The following DCC variants were observed in gnomAD, a reference collection of about 807,000 sequenced individuals.
DCC encodes the protein DCC netrin 1 receptor, also known as netrin receptor DCC.
DCC carries 58 observed loss-of-function variants against 172.5 expected under a neutral mutation model. That is an observed-to-expected ratio of 0.34 (90% confidence interval 0.27 to 0.42). The LOEUF is 0.42. Among genes scored for constraint, DCC ranks in the 10% least tolerant of loss-of-function variants. The probability of loss-of-function intolerance (pLI) is 1.00; values close to 1 mark genes in which losing one functional copy is unlikely to be tolerated. For missense variants in DCC, 1,740 were observed against 1,791.0 expected (o/e 0.97, Z 0.51); for synonymous variants, 709 against 644.5 (o/e 1.10, Z -1.52).
intron 1 of DCC, among the ~76,000 whole-genome samples, chr18:52,669,584 A>G (rs1329403508): frequency 6.6e-6 from 1 of 152,208 alleles, no homozygotes; most frequent in Non-Finnish European, 1.5e-5. Flanking sequence ...GGCGGTTTCA[A>G]TGGTCCATGT....
Position 53,066,138 on chromosome 18 carries a change from C to T in DCC, c.1233C>T (p.Thr411=), listed in dbSNP as rs761849396. The change falls in exon 7 of 29, where the codon ACC becomes ACT. Residue 411 remains threonine (T), a synonymous_variant. Coordinates refer to ENST00000442544, the MANE Select transcript of DCC (RefSeq NM_005215.4). ...AAAATGAGGCTGGAAATGCCCAGAC[C>T]AGTGCACAGCTCATTGTCCCTAAGC... is the stretch of plus-strand genomic sequence containing the variant. The part of the protein sequence containing the change: ...VAENEAGNAQ[T]SAQLIVPKPA... The T allele has an allele frequency of 3.7e-6, 6 of 1,613,180 alleles. No individual in the cohort carries two copies. The South Asian group carries it at 6.6e-5, about 18-fold the overall frequency.
intron 7 of DCC, among the ~76,000 whole-genome samples, chr18:53,116,493 T>A (rs566563445): frequency 1.3e-4 from 19 of 151,850 alleles, no homozygotes; most frequent in African/African-American, 4.3e-4. Context: ...ATGGAATGAC[T>A]TCAACTTTAG....
intron 1 of DCC, among the ~76,000 whole-genome samples, chr18:52,671,378 C>T (rs1331540453): frequency 6.6e-6 from 1 of 152,104 alleles, no homozygotes; most frequent in Non-Finnish European, 1.5e-5. Context: ...CCTCACCTTG[C>T]TGGCTCTTTT....
At chr18:53,136,478 A>G (rs185515115) in intron 7 of DCC, among the ~76,000 whole-genome samples, 24 of 152,272 alleles carry the variant, frequency 1.6e-4, no homozygotes, top group African/African-American at 5.1e-4. Context: ...AAATTAGCCT[A>G]TCTACCTTAT....
At chr18:53,103,076 A>G (rs778992706) in intron 7 of DCC, among the ~76,000 whole-genome samples, 4 of 152,104 alleles carry the variant, frequency 2.6e-5, no homozygotes, top group Non-Finnish European at 4.4e-5. Flanking sequence ...CATTTACCCC[A>G]TTCATTTATG....
At chr18:53,261,568 C>A (rs62097978) in intron 12 of DCC, among the ~76,000 whole-genome samples, 144 of 152,164 alleles carry the variant, frequency 9.5e-4, no homozygotes, top group Admixed American at 1.9e-3. Flanking sequence ...ATACCTGTCT[C>A]CAAAGTCTGT....
At chr18:52,839,623 G>A (rs148402394) in intron 2 of DCC, among the ~76,000 whole-genome samples, 31 of 152,114 alleles carry the variant, frequency 2.0e-4, no homozygotes, top group Non-Finnish European at 3.7e-4. Context: ...TTCAGGTAAA[G>A]CTTCTTCACT....
chr18:52,914,519 T>C (rs1010686770), intron 3 of DCC, among the ~76,000 whole-genome samples: 9 of 144,612 alleles, frequency 6.2e-5, no homozygotes, highest in African/African-American at 2.3e-4. Flanking sequence ...TCCGGAGAAA[T>C]GGCTTCTTTC....
intron 5 of DCC, among the ~76,000 whole-genome samples, chr18:52,950,884 C>T (rs182379749): frequency 0.024 from 3,142 of 130,894 alleles, 59 homozygotes; most frequent in Admixed American, 0.052. Context: ...GAGATCAGAT[C>T]GCGCCACTGC....
chr18:52,960,223 G>C (rs530435539), intron 5 of DCC, among the ~76,000 whole-genome samples: 7 of 152,208 alleles, frequency 4.6e-5, no homozygotes, highest in Admixed American at 6.5e-5. Flanking sequence ...TGTAGTGTTA[G>C]AGAATGACAG....
At chr18:52,916,151 T>C (rs994961189) in intron 3 of DCC, among the ~76,000 whole-genome samples, 38 of 152,036 alleles carry the variant, frequency 2.5e-4, no homozygotes, top group African/African-American at 8.7e-4. Flanking sequence ...AAAAGTATAA[T>C]GGGTTTTGCA....
intron 1 of DCC, among the ~76,000 whole-genome samples, chr18:52,404,609 G>A (rs1045120914): frequency 1.3e-5 from 2 of 151,128 alleles, no homozygotes; most frequent in Non-Finnish European, 2.9e-5. Flanking sequence ...AAAATGGGCA[G>A]ATTTCTACTT....
At chr18:53,198,784 A>G (rs1262151942) in intron 9 of DCC, among the ~76,000 whole-genome samples, 1 of 152,202 alleles carries the variant, frequency 6.6e-6, no homozygotes, top group Non-Finnish European at 1.5e-5. Flanking sequence ...ATAGGCTGAC[A>G]TTGATTGATG....
At chr18:52,437,381 G>GC (rs975831885) in intron 1 of DCC, among the ~76,000 whole-genome samples, 5 of 152,134 alleles carry the variant, frequency 3.3e-5, no homozygotes, top group African/African-American at 1.2e-4. Context: ...GATGGTCACA[G>GC]CAAGATAAAT....
chr18:52,955,303 T>C (rs1025486007), intron 5 of DCC, among the ~76,000 whole-genome samples: 3 of 152,156 alleles, frequency 2.0e-5, no homozygotes, highest in Admixed American at 2.0e-4. Flanking sequence ...GTAGTTCACA[T>C]CATACAGTAT....
chr18:52,969,127 T>G (rs987403046), intron 5 of DCC, among the ~76,000 whole-genome samples: 2 of 152,156 alleles, frequency 1.3e-5, no homozygotes, highest in African/African-American at 4.8e-5. Flanking sequence ...TATGCCAACA[T>G]GCTTTTCCTG....
At chr18:53,383,516 G>A (rs77956000) in intron 15 of DCC, among the ~76,000 whole-genome samples, 4,237 of 147,062 alleles carry the variant, frequency 0.029, 124 homozygotes, top group East Asian at 0.15. Context: ...AGTTGCTTCC[G>A]TTCTATCTAG....
chr18:53,086,916 A>G (rs1288129921), intron 7 of DCC, among the ~76,000 whole-genome samples: 1 of 151,426 alleles, frequency 6.6e-6, no homozygotes, highest in Non-Finnish European at 1.5e-5. Flanking sequence ...CCATGTCCCT[A>G]CAAAGGACAT....
intron 12 of DCC, among the ~76,000 whole-genome samples, chr18:53,262,166 G>A (rs1307578809): frequency 6.6e-6 from 1 of 152,196 alleles, no homozygotes; most frequent in East Asian, 1.9e-4. Flanking sequence ...CAACATGGCA[G>A]ATTAGCTTCC....
Sources: allele counts gnomAD v4.1 joint callset (sites outside exome capture counted in the v4.1 genomes callset), GRCh38; gene constraint gnomAD v4.1.1; transcripts MANE v1.5; gene names NCBI Gene and HGNC (gene_info 2026-07-23, HGNC 2026-07-21).